The following MAGI2 variants were observed in gnomAD, a reference collection of about 807,000 sequenced individuals.
MAGI2 encodes the protein membrane associated guanylate kinase, WW and PDZ domain containing 2, also known as membrane-associated guanylate kinase, WW and PDZ domain-containing protein 2.
A neutral mutation model predicts 133.3 loss-of-function variants in MAGI2; 35 were observed. The ratio of observed to expected loss-of-function variants is 0.26; its 90% CI spans 0.20 to 0.35. The LOEUF is 0.35. Among genes scored for constraint, MAGI2 ranks in the 10% least tolerant of loss-of-function variants. The pLI, the probability that MAGI2 is intolerant of heterozygous loss-of-function variation, is 1.00. For missense variants in MAGI2, 1,636 were observed against 1,863.4 expected, an observed-to-expected ratio of 0.88 and a Z score of 2.25; for synonymous variants, 729 against 710.6, an observed-to-expected ratio of 1.03 and a Z score of -0.41.
chr7:79,120,767 C>T (rs535254061), intron 1 of MAGI2, among the ~76,000 whole-genome samples: 157 of 152,064 alleles, frequency 1.0e-3, no homozygotes, highest in African/African-American at 3.6e-3. Flanking sequence ...GTTCTATATA[C>T]GGTATTGTAA....
chr7:79,268,379 A>G (rs1303995595), intron 1 of MAGI2, among the ~76,000 whole-genome samples: 1 of 152,170 alleles, frequency 6.6e-6, no homozygotes, highest in Non-Finnish European at 1.5e-5. Context: ...AGTTTAATAT[A>G]TTTTTATTGT....
chr7:78,123,390 A>G (rs1368705234), intron 20 of MAGI2, among the ~76,000 whole-genome samples: 2 of 152,208 alleles, frequency 1.3e-5, no homozygotes, highest in African/African-American at 4.8e-5. Context: ...TTCCCTATAT[A>G]TATCTATGAT....
At chr7:78,585,445 CTGAGA>C (rs1160277544) in intron 3 of MAGI2, among the ~76,000 whole-genome samples, 4 of 152,148 alleles carry the variant, frequency 2.6e-5, no homozygotes, top group African/African-American at 9.7e-5. Context: ...CTACCTGAGA[CTGAGA>C]TGAGATAAGG....
chr7:78,124,037 C>A (rs1054726217), intron 20 of MAGI2, among the ~76,000 whole-genome samples: 62 of 152,230 alleles, frequency 4.1e-4, no homozygotes, highest in African/African-American at 1.4e-3. Flanking sequence ...AGCAGCGAGT[C>A]ATTTAGATCC....
At chr7:78,763,609 C>T (rs1824731313) in intron 2 of MAGI2, among the ~76,000 whole-genome samples, 1 of 152,116 alleles carries the variant, frequency 6.6e-6, no homozygotes, top group Admixed American at 6.5e-5. Context: ...CCTCCCAAAG[C>T]ATGATTATAG....
intron 1 of MAGI2, among the ~76,000 whole-genome samples, chr7:79,152,717 G>A (rs1254332573): frequency 6.6e-6 from 1 of 152,164 alleles, no homozygotes; most frequent in Admixed American, 6.5e-5. Context: ...TTCTCCAGGT[G>A]TTTAGGTGGA....
chr7:79,263,430 C>T (rs1371619321), intron 1 of MAGI2, among the ~76,000 whole-genome samples: 1 of 151,974 alleles, frequency 6.6e-6, no homozygotes, highest in Non-Finnish European at 1.5e-5. Context: ...CCAGCTGACA[C>T]CAGGACCAGA....
Position 78,082,303 on chromosome 7 carries a change from G to C in MAGI2, c.3568-3218C>G, listed in dbSNP as rs1188725284. ...AAGGAGAAGGCATTAGCCTGGAGGA[G>C]AGAAGCGGTGGTTTGAAAGCTACGG... is the stretch of plus-strand genomic sequence containing the variant. On this transcript the variant is annotated intron_variant, in intron 20 of 21. Coordinates refer to ENST00000354212, the MANE Select transcript of MAGI2 (RefSeq NM_012301.4). Among the ~76,000 whole-genome samples the C allele has an allele frequency of 3.9e-5, 6 of 152,216 alleles. No homozygotes were observed. The East Asian group carries it at 5.8e-4, about 15-fold the overall frequency.
intron 1 of MAGI2, among the ~76,000 whole-genome samples, chr7:79,153,364 A>C (rs1405032856): frequency 1.3e-5 from 2 of 152,196 alleles, no homozygotes; most frequent in Non-Finnish European, 2.9e-5. Flanking sequence ...TGGAGCGCAC[A>C]GTTAATCTAG....
chr7:79,337,170 A>C (rs1840495903), intron 1 of MAGI2, among the ~76,000 whole-genome samples: 1 of 152,184 alleles, frequency 6.6e-6, no homozygotes, highest in Non-Finnish European at 1.5e-5. Flanking sequence ...TATTTTCCTC[A>C]GTATTTAAGA....
intron 1 of MAGI2, among the ~76,000 whole-genome samples, chr7:79,171,791 T>C (rs71555024): frequency 5.1e-5 from 7 of 137,442 alleles, no homozygotes; most frequent in Non-Finnish European, 1.1e-4. Context: ...TTTTTTCTTT[T>C]AAAGGGTCTC....
intron 21 of MAGI2, among the ~76,000 whole-genome samples, chr7:78,077,854 C>T (rs755810580): frequency 1.3e-5 from 2 of 150,998 alleles, no homozygotes; most frequent in African/African-American, 2.4e-5. Context: ...TTCAGCCTCC[C>T]GAGTACATGG....
chr7:78,113,166 C>G (rs1342289415), intron 20 of MAGI2, among the ~76,000 whole-genome samples: 1 of 120,196 alleles, frequency 8.3e-6, no homozygotes, highest in Admixed American at 8.1e-5. Context: ...GGGAGGGGGA[C>G]TGGGGATAGA....
At chr7:78,592,923 C>T (rs996400929) in intron 3 of MAGI2, among the ~76,000 whole-genome samples, 2 of 150,320 alleles carry the variant, frequency 1.3e-5, no homozygotes, top group African/African-American at 4.9e-5. Context: ...CAACCTCCAC[C>T]TCCCGAGCTC....
chr7:78,044,534 T>A (rs987012760), intron 21 of MAGI2, among the ~76,000 whole-genome samples: 1 of 152,228 alleles, frequency 6.6e-6, no homozygotes. Context: ...CACAGCAGTA[T>A]GGAAGACTGG....
rs191961365 is a variant in MAGI2 at position 78,784,676 on chromosome 7, A to G, written c.419-157437T>C. Among the ~76,000 whole-genome samples, 3 of 152,320 alleles carry G rather than the reference A, an allele frequency of 2.0e-5. No homozygotes were observed. The East Asian group carries it at 5.8e-4, about 29-fold the overall frequency. ...TCTCCACTCAGTCTATTAGCGTTAG[A>G]TCATACTCTTTTTGTCCAATCACAT... On this transcript the variant is annotated intron_variant, in intron 2 of 21. Coordinates refer to ENST00000354212, the MANE Select transcript of MAGI2 (RefSeq NM_012301.4).
intron 2 of MAGI2, among the ~76,000 whole-genome samples, chr7:78,678,417 T>C (rs575715908): frequency 3.4e-4 from 51 of 152,236 alleles, no homozygotes; most frequent in African/African-American, 1.1e-3. Context: ...TTTTATTACA[T>C]GTATAACTCA....
rs188493163 is a variant in MAGI2, at chr7:78,600,644, C to T, written c.538+26476G>A. Among the ~76,000 whole-genome samples the T allele has an allele frequency of 1.4e-3, 214 of 151,908 alleles. 1 individual carries two copies. Among genetic ancestry groups the T allele is most frequent in the Non-Finnish European group, 2.4e-3 (162 of 67,936 alleles). The stretch of plus-strand genomic sequence containing the variant: ...TCACAGGGGAAAAGGGCATATAAAA[C>T]GATAGTACACTGGAGTGAATAATAT... On this transcript the variant is annotated intron_variant, in intron 3 of 21. Transcript: ENST00000354212.
At position 78,066,282 on chromosome 7, in the gene MAGI2, T is replaced by A. The variant is rs1016548947; in HGVS notation, c.3706+12665A>T. On this transcript the variant is annotated intron_variant, in intron 21 of 21. Transcript: ENST00000354212. Reference sequence around the variant, plus strand: ...TTCAAGACCAGCCTGGCCAACATGGTGAAACGCCATCTCTGCTAAAAATAT... The same window carrying A: ...TTCAAGACCAGCCTGGCCAACATGGAGAAACGCCATCTCTGCTAAAAATAT... 2.3e-4 allele frequency among the ~76,000 whole-genome samples: 35 copies of A among 151,914 alleles called. 1 individual carries two copies. The highest frequency in any genetic ancestry group is 8.2e-4 in the African/African-American group (34 of 41,366).
Sources: gnomAD v4.1 joint callset for allele counts (sites outside exome capture counted in the v4.1 genomes callset) on GRCh38, gnomAD v4.1.1 for gene constraint, MANE v1.5 for transcripts, NCBI Gene and HGNC (gene_info 2026-07-23, HGNC 2026-07-21) for gene names.